The following PLCB1 variants were observed in gnomAD, a reference collection of about 807,000 sequenced individuals.
PLCB1 encodes the protein phospholipase C beta 1.
In PLCB1, 46 loss-of-function variants were observed where a neutral mutation model predicts 161.8. The observed-to-expected ratio is 0.28, with a 90% CI of 0.22 to 0.36. The LOEUF is 0.36. Ranked by LOEUF, PLCB1 falls within the 10% of genes least tolerant of loss-of-function variation. PLCB1 has a pLI of 1.00. For synonymous variants in PLCB1, 517 were observed against 503.7 expected (o/e 1.03, Z -0.35); for missense variants, 1,016 against 1,472.5 (o/e 0.69, Z 5.07).
intron 3 of PLCB1, among the ~76,000 whole-genome samples, chr20:8,546,739 T>C (rs1425863408): frequency 6.6e-6 from 1 of 152,126 alleles, no homozygotes; most frequent in Non-Finnish European, 1.5e-5. Context: ...GTTCTGGATG[T>C]TTTTCTTCAA....
intron 31 of PLCB1, among the ~76,000 whole-genome samples, chr20:8,869,785 T>C (rs951099531): frequency 6.6e-6 from 1 of 152,186 alleles, no homozygotes; most frequent in Non-Finnish European, 1.5e-5. Flanking sequence ...TCATTATGGG[T>C]CAGGCAGGTA....
At chr20:8,381,658 T>C (rs955550490) in intron 3 of PLCB1, among the ~76,000 whole-genome samples, 3 of 152,216 alleles carry the variant, frequency 2.0e-5, no homozygotes, top group Admixed American at 6.5e-5. Context: ...GACTTCTTCC[T>C]GGTTTAGTCT....
chr20:8,748,439 A>G (rs1981283170), intron 23 of PLCB1, among the ~76,000 whole-genome samples: 3 of 152,234 alleles, frequency 2.0e-5, no homozygotes, highest in Admixed American at 1.3e-4. Context: ...GAAACTGGTC[A>G]ATGATTGGTT....
intron 3 of PLCB1, among the ~76,000 whole-genome samples, chr20:8,426,427 C>A (rs6055808): frequency 0.11 from 16,631 of 152,218 alleles, 1,370 homozygotes; most frequent in African/African-American, 0.23. Context: ...GTGCGTGCAC[C>A]TGCTCAGACC....
At chr20:8,388,249 C>T (rs1319411404) in intron 3 of PLCB1, among the ~76,000 whole-genome samples, 2 of 151,894 alleles carry the variant, frequency 1.3e-5, no homozygotes, top group East Asian at 1.9e-4. Context: ...TCAAATTAGG[C>T]CGTTTATTTA....
intron 23 of PLCB1, among the ~76,000 whole-genome samples, chr20:8,746,925 A>T (rs910038321): frequency 6.6e-6 from 1 of 152,108 alleles, no homozygotes; most frequent in Non-Finnish European, 1.5e-5. Flanking sequence ...AGGGCCTGGG[A>T]CTCAGCATCT....
At chr20:8,535,599 T>A (rs957990551) in intron 3 of PLCB1, among the ~76,000 whole-genome samples, 6 of 152,160 alleles carry the variant, frequency 3.9e-5, no homozygotes, top group African/African-American at 1.4e-4. Context: ...CCAGTGGACA[T>A]TTGGCAAAGG....
intron 31 of PLCB1, among the ~76,000 whole-genome samples, chr20:8,836,156 C>G (rs1317012895): frequency 1.3e-5 from 2 of 152,120 alleles, no homozygotes; most frequent in Non-Finnish European, 2.9e-5. Flanking sequence ...TTCTTAAGGC[C>G]TAGGCCCAAA....
intron 2 of PLCB1, among the ~76,000 whole-genome samples, chr20:8,224,138 T>C (rs990743130): frequency 1.3e-5 from 2 of 152,170 alleles, no homozygotes; most frequent in Non-Finnish European, 2.9e-5. Context: ...TTGGAAATCA[T>C]TGTGGTAAAA....
intron 31 of PLCB1, among the ~76,000 whole-genome samples, chr20:8,864,271 TTTCTA>T (rs1324640962): frequency 1.3e-5 from 2 of 152,210 alleles, no homozygotes; most frequent in East Asian, 1.9e-4. Flanking sequence ...TCTTAGATGA[TTTCTA>T]TTCTGTGATG....
intron 31 of PLCB1, among the ~76,000 whole-genome samples, chr20:8,833,404 G>A (rs6140737): frequency 0.31 from 46,693 of 152,108 alleles, 8,186 homozygotes; most frequent in East Asian, 0.61. Context: ...CCATGATTCA[G>A]TTACCTCCCA....
intron 3 of PLCB1, among the ~76,000 whole-genome samples, chr20:8,385,242 G>A (rs1987389218): frequency 6.6e-6 from 1 of 152,184 alleles, no homozygotes; most frequent in Admixed American, 6.5e-5. Context: ...TGGAGTTCCT[G>A]CAAGGAGTCC....
chr20:8,649,595 TG>T (rs1322880562), intron 7 of PLCB1, 146 bp downstream of exon 7: 1 of 628,962 alleles, frequency 1.6e-6, no homozygotes, highest in African/African-American at 1.8e-5. Flanking sequence ...AATGAATTAA[TG>T]GATTATCATC....
intron 14 of PLCB1, among the ~76,000 whole-genome samples, chr20:8,721,974 G>A (rs1979661930): frequency 6.6e-6 from 1 of 152,108 alleles, no homozygotes; most frequent in Admixed American, 6.6e-5. Context: ...CGGGGTCATA[G>A]AGACCCTGAG....
At position 8,159,612 on chromosome 20, in the gene PLCB1, C is replaced by T. The variant is rs1165112324; in HGVS notation, c.177+9241C>T. Among the ~76,000 whole-genome samples the T allele has an allele frequency of 2.6e-5, 4 of 152,164 alleles. No homozygotes were observed. The East Asian group carries it at 5.8e-4, about 22-fold the overall frequency. On this transcript the variant is annotated intron_variant, in intron 2 of 31. Coordinates refer to ENST00000338037, the MANE Select transcript of PLCB1 (RefSeq NM_015192.4). ...ATTGTCAGGCTGCAAATTTTCTGAA[C>T]TTTTATGCCCTGTTTCCCTTATAAA...
At chr20:8,772,534 C>T (rs577519631) in intron 26 of PLCB1, among the ~76,000 whole-genome samples, 31 of 152,072 alleles carry the variant, frequency 2.0e-4, no homozygotes, top group African/African-American at 7.3e-4. Flanking sequence ...CGAGTGTGCC[C>T]GGCATATGGG....
At position 8,848,443 on chromosome 20, in the gene PLCB1, G is replaced by C. The variant is rs78423391; in HGVS notation, c.3424-33179G>C. On this transcript the variant is annotated intron_variant, in intron 31 of 31. Coordinates refer to ENST00000338037, the MANE Select transcript of PLCB1 (RefSeq NM_015192.4). ...ACCCCTATCCTGAGGCTCTCCAGGG[G>C]CCCTATTCTAAATCTACTTATTAAC... is the stretch of plus-strand genomic sequence containing the variant. Among the ~76,000 whole-genome samples the C allele has an allele frequency of 6.1e-3, 935 of 152,262 alleles. 37 individuals are homozygous for C. The East Asian group carries it at 0.071, about 12-fold the overall frequency.
intron 2 of PLCB1, among the ~76,000 whole-genome samples, chr20:8,258,969 C>G (rs530825629): frequency 1.3e-5 from 2 of 152,296 alleles, no homozygotes; most frequent in African/African-American, 4.8e-5. Flanking sequence ...TAACCCCTTT[C>G]TCCGGTCTCT....
rs1013856070 is a variant in PLCB1 at position 8,463,063 on chromosome 20, T to C, written c.246+91613T>C. Among the ~76,000 whole-genome samples, 5 of 152,178 alleles carry C rather than the reference T, an allele frequency of 3.3e-5. No individual in the cohort carries two copies. In the South Asian group the frequency reaches 1.0e-3, roughly 32 times the overall value. Reference sequence around the variant, plus strand: ...AAGAGGCAACTCAGTATGTTGATTATTTTTTTCAGATTCATGCCCATTCAT... The same window carrying C: ...AAGAGGCAACTCAGTATGTTGATTACTTTTTTCAGATTCATGCCCATTCAT... On this transcript the variant is annotated intron_variant, in intron 3 of 31. Coordinates refer to ENST00000338037, the MANE Select transcript of PLCB1 (RefSeq NM_015192.4).
Sources: allele counts gnomAD v4.1 joint callset (sites outside exome capture counted in the v4.1 genomes callset), GRCh38; gene constraint gnomAD v4.1.1; transcripts MANE v1.5; gene names NCBI Gene and HGNC (gene_info 2026-07-23, HGNC 2026-07-21).